Variants in ITGB2 observed in about 807,000 individuals in gnomAD.
The protein encoded by ITGB2 is integrin subunit beta 2.
ITGB2 carries 56 observed loss-of-function variants against 86.8 expected under a neutral mutation model. The observed-to-expected ratio is 0.65, with a 90% CI of 0.52 to 0.81. ITGB2 has a LOEUF of 0.81. ITGB2 is among the 30% of genes least tolerant of loss of function. The pLI is 0.00. For synonymous variants in ITGB2, 457 were observed against 450.4 expected (o/e 1.01, Z -0.19); for missense variants, 948 against 1,061.2 (o/e 0.89, Z 1.48).
intron 12 of ITGB2, 97 bp downstream of exon 12, chr21:44,889,881 C>G: frequency 2.6e-6 from 4 of 1,539,316 alleles, no homozygotes; most frequent in Non-Finnish European, 3.5e-6. Context: ...AGGATCCCCC[C>G]TTTCTGTTCC....
rs1340851101 is a variant in ITGB2, at chr21:44,895,042, G to A, written c.1012C>T (p.Pro338Ser). ...KTYEKLTEII[P>S]KSAVGELSED... Reference sequence around the variant, plus strand: ...GACAGCTCCCCCACGGCTGACTTGGGGATGATCTCGGTGAGTTTCTGTTGG... The same window carrying A: ...GACAGCTCCCCCACGGCTGACTTGGAGATGATCTCGGTGAGTTTCTGTTGG... The change falls in exon 9 of 16, where the codon CCC becomes TCC. Residue 338 changes from proline to serine, a missense_variant. Coordinates refer to ENST00000652462, the MANE Select transcript of ITGB2 (RefSeq NM_000211.5). 6.2e-7 allele frequency: 1 copy of A among 1,613,326 alleles called. No homozygotes were observed. The highest frequency in any genetic ancestry group is 8.5e-7 in the Non-Finnish European group (1 of 1,179,670).
At chr21:44,916,152 A>T (rs1362855806) in intron 1 of ITGB2, among the ~76,000 whole-genome samples, 1 of 151,962 alleles carries the variant, frequency 6.6e-6, no homozygotes, top group Admixed American at 6.6e-5. Flanking sequence ...CGAACTCCTG[A>T]CCTCGTGATC....
At chr21:44,888,432 G>A (rs1433588751) in intron 14 of ITGB2, among the ~76,000 whole-genome samples, 1 of 152,258 alleles carries the variant, frequency 6.6e-6, no homozygotes, top group African/African-American at 2.4e-5. Flanking sequence ...GTGGAGCAGT[G>A]GTGCCCCCAG....
chr21:44,892,422 C>T (rs1336133940), intron 10 of ITGB2, among the ~76,000 whole-genome samples: 2 of 152,098 alleles, frequency 1.3e-5, no homozygotes, highest in African/African-American at 4.8e-5. Context: ...GAGTTTGAGA[C>T]CAGCCTGGCC....
At chr21:44,915,085 G>T (rs925203018) in intron 1 of ITGB2, among the ~76,000 whole-genome samples, 5 of 152,086 alleles carry the variant, frequency 3.3e-5, no homozygotes, top group Non-Finnish European at 5.9e-5. Flanking sequence ...GTGCAGTGGC[G>T]CGATCTCAGC....
At position 44,890,164 on chromosome 21, in the gene ITGB2, G is replaced by C. The variant is rs767284889; in HGVS notation, c.1471C>G (p.Gln491Glu). Residue 491 changes from glutamine to glutamate, a missense_variant, in exon 12 of 16, where the codon CAG becomes GAG. Physicochemically the swap from Gln to Glu is conservative, Grantham distance 29. Coordinates refer to ENST00000652462, the MANE Select transcript of ITGB2 (RefSeq NM_000211.5). Reference sequence around the variant, plus strand: ...TTCCGGCAGCTTCCTTCCAGCTCCTGGCTGCTCCGGCCCTGTGTCTGGCAC... The same window carrying C: ...TTCCGGCAGCTTCCTTCCAGCTCCTCGCTGCTCCGGCCCTGTGTCTGGCAC... ...CECQTQGRSSQELEGSCRKDN... is the reference protein window; with the variant it reads ...CECQTQGRSSEELEGSCRKDN... 5.0e-6 allele frequency: 8 copies of C among 1,613,392 alleles called. No individual in the cohort carries two copies. The highest frequency in any genetic ancestry group is 5.9e-6 in the Non-Finnish European group (7 of 1,180,020).
upstream of ITGB2, among the ~76,000 whole-genome samples, chr21:44,924,490 G>A (rs971300804): frequency 2.0e-5 from 3 of 152,074 alleles, no homozygotes; most frequent in East Asian, 1.9e-4. Flanking sequence ...AAATTTGGCA[G>A]GTAGAGAATT....
In ITGB2 at chr21:44,900,426, T is replaced by A; in HGVS notation, c.791A>T (p.Asp264Val). ...GTCGCCCGCGAAATGGAAGCCGTCA[T>A]CAGTGGCAAACACCAGCAGCCGCGT... ...NVTRLLVFATDDGFHFAGDGK... is the reference protein window; with the variant it reads ...NVTRLLVFATVDGFHFAGDGK... The change falls in exon 7 of 16, where the codon GAT becomes GTT. Residue 264 changes from aspartate (D) to valine (V), a missense_variant. Coordinates refer to ENST00000652462, the MANE Select transcript of ITGB2 (RefSeq NM_000211.5). 6.2e-7 allele frequency: 1 copy of A among 1,614,030 alleles called. No homozygotes were observed. Among genetic ancestry groups the A allele is most frequent in the Non-Finnish European group, 8.5e-7 (1 of 1,179,934 alleles).
chr21:44,911,091 C>G, intron 1 of ITGB2: 1 of 502,442 alleles, frequency 2.0e-6, no homozygotes. Flanking sequence ...GTACACACAC[C>G]ACACATGCAC....
intron 15 of ITGB2, 44 bp downstream of exon 15, chr21:44,886,692 C>G: frequency 1.2e-6 from 2 of 1,611,694 alleles, no homozygotes; most frequent in Non-Finnish European, 1.7e-6. Flanking sequence ...TAGTGTGGGA[C>G]GCACGTGCCC....
chr21:44,901,346 A>T, intron 6 of ITGB2, 146 bp downstream of exon 6: 1 of 981,814 alleles, frequency 1.0e-6, no homozygotes, highest in Non-Finnish European at 1.5e-6. Context: ...GGGCAGCAGC[A>T]GGGTGAGGAG....
intron 5 of ITGB2, among the ~76,000 whole-genome samples, chr21:44,902,573 G>T (rs927004175): frequency 6.6e-6 from 1 of 151,940 alleles, no homozygotes; most frequent in Non-Finnish European, 1.5e-5. Flanking sequence ...TTGAGTTTGG[G>T]TGTGCTTTTG....
chr21:44,907,029 C>A lies in ITGB2; in HGVS notation c.214G>T (p.Gly72Cys). 1 of 1,613,714 alleles carries A rather than the reference C, an allele frequency of 6.2e-7. No individual in the cohort carries two copies. The highest frequency in any genetic ancestry group is 1.1e-5 in the South Asian group (1 of 91,070). Residue 72 changes from glycine to cysteine, a missense_variant, in exon 4 of 16, where the codon GGC (glycine) becomes TGC (cysteine). Physicochemically the swap from Gly to Cys is radical, Grantham distance 159. Coordinates refer to ENST00000652462, the MANE Select transcript of ITGB2 (RefSeq NM_000211.5). Reference sequence around the variant, plus strand: ...TCCATGATGTCGTCAGCCGCACAGCCCCTCATGAGCAGCTGTGGCCGGGTG... The same window carrying A: ...TCCATGATGTCGTCAGCCGCACAGCACCTCATGAGCAGCTGTGGCCGGGTG... The part of the protein sequence containing the change: ...CDTRPQLLMR[G>C]CAADDIMDPT...
At chr21:44,917,739 CAA>C (rs1419275958) in intron 1 of ITGB2, among the ~76,000 whole-genome samples, 3 of 152,202 alleles carry the variant, frequency 2.0e-5, no homozygotes, top group African/African-American at 7.2e-5. Flanking sequence ...ACACCTACCC[CAA>C]GTTTCCATCA....
At chr21:44,900,564 G>T (rs932698604) in intron 6 of ITGB2, 89 bp from the exon 7 acceptor site, 19 of 1,534,270 alleles carry the variant, frequency 1.2e-5, no homozygotes, top group Non-Finnish European at 1.7e-5. Flanking sequence ...AGAGCTGGTG[G>T]GGTGGCCCGG....
rs764916167 is a variant in ITGB2 at position 44,891,900 on chromosome 21, C to A, written c.1321G>T (p.Val441Phe). The A allele has an allele frequency of 6.2e-7, 1 of 1,613,268 alleles. No homozygotes were observed. Among genetic ancestry groups the A allele is most frequent in the South Asian group, 1.1e-5 (1 of 91,092 alleles). ...CACCGGCACTCACACTGGGGAAGAACCTGCACGGTCACTATGTCCGTGAAG... is the reference window on the plus strand; with the variant it reads ...CACCGGCACTCACACTGGGGAAGAAACTGCACGGTCACTATGTCCGTGAAG... ...LGFTDIVTVQ[V>F]LPQCECRCRD... Residue 441 changes from valine (V) to phenylalanine (F), a missense_variant, in exon 11 of 16, where the codon GTT becomes TTT. Coordinates refer to ENST00000652462, the MANE Select transcript of ITGB2 (RefSeq NM_000211.5).
At chr21:44,894,042 G>C (rs235328) in intron 9 of ITGB2, 62,362 of 250,374 alleles carry the variant, frequency 0.25, 8,216 homozygotes, top group African/African-American at 0.31. Flanking sequence ...CAAAGACTGA[G>C]AGACAGACGG....
Position 44,901,499 on chromosome 21 carries a change from G to A in ITGB2, c.734C>T (p.Ala245Val), listed in dbSNP as rs760631731. The change falls in exon 6 of 16, where the codon GCC (alanine) becomes GTC (valine). Residue 245 changes from alanine (A) to valine (V), a missense_variant. Physicochemically the swap from Ala to Val is moderately conservative, Grantham distance 64. Coordinates refer to ENST00000652462, the MANE Select transcript of ITGB2 (RefSeq NM_000211.5). ...CAGGGGCAGCGGCCTCACCGGGCAG[G>A]CGGCGACCTGCATCATGGCGTCCAG... is the stretch of plus-strand genomic sequence containing the variant. ...GGLDAMMQVAACPEEIGWRNV... is the reference protein window; with the variant it reads ...GGLDAMMQVAVCPEEIGWRNV... The A allele has an allele frequency of 1.9e-6, 3 of 1,614,082 alleles. No individual in the cohort carries two copies. Among genetic ancestry groups the A allele is most frequent in the Non-Finnish European group, 2.5e-6 (3 of 1,180,006 alleles).
intron 14 of ITGB2, among the ~76,000 whole-genome samples, chr21:44,887,124 C>T (rs1229825795): frequency 6.6e-6 from 1 of 152,176 alleles, no homozygotes; most frequent in Non-Finnish European, 1.5e-5. Flanking sequence ...ACCTAAGGGC[C>T]ATTGCCACCA....
Sources: gnomAD v4.1 joint callset for allele counts (sites outside exome capture counted in the v4.1 genomes callset) on GRCh38, gnomAD v4.1.1 for gene constraint, MANE v1.5 for transcripts, NCBI Gene and HGNC (gene_info 2026-07-23, HGNC 2026-07-21) for gene names.